Variants in KIF20B observed in about 807,000 individuals in gnomAD.
KIF20B encodes the protein kinesin-like protein KIF20B.
Under a neutral mutation model 232.5 loss-of-function variants are expected in KIF20B, and 188 were observed. That is an observed-to-expected ratio of 0.81 (90% CI 0.72 to 0.91). The LOEUF is 0.91. Ranked by LOEUF, KIF20B falls within the 40% of genes least tolerant of loss-of-function variation. The pLI, the probability that KIF20B is intolerant of heterozygous loss-of-function variation, is 0.00. For missense variants in KIF20B, 2,154 were observed against 2,055.9 expected (o/e 1.05, Z -0.92); for synonymous variants, 712 against 683.0 (o/e 1.04, Z -0.66).
intron 29 of KIF20B, among the ~76,000 whole-genome samples, chr10:89,764,109 A>C (rs1842302816): frequency 7.9e-6 from 1 of 127,342 alleles, no homozygotes; most frequent in Non-Finnish European, 1.6e-5. Context: ...ATGTGTTCCC[A>C]TTGTTCAATT....
At chr10:89,740,647 G>A (rs931323080) in intron 21 of KIF20B, among the ~76,000 whole-genome samples, 10 of 152,036 alleles carry the variant, frequency 6.6e-5, no homozygotes, top group African/African-American at 2.4e-4. Flanking sequence ...TTAAAAGGGG[G>A]CTCTTTTTTC....
intron 27 of KIF20B, among the ~76,000 whole-genome samples, chr10:89,759,633 G>A (rs1242675880): frequency 1.3e-5 from 2 of 152,054 alleles, no homozygotes; most frequent in South Asian, 2.1e-4. Flanking sequence ...AACTGCTGTC[G>A]CTGTGGTTTT....
rs12267623 is a variant in KIF20B at position 89,768,385 on chromosome 10, A to G, written c.5085A>G (p.Glu1695=). ...ATAGAAATTCTTCTGTCAAAAAGGA[A>G]CAAAAGGTGTGTCTTTTAATTTGTC... The part of the protein sequence containing the change: ...SDDRNSSVKK[E]QKVAIRPSSK... Residue 1695 remains glutamate, a synonymous_variant, in exon 30 of 33, where the codon GAA becomes GAG. Coordinates refer to ENST00000371728, the MANE Select transcript of KIF20B (RefSeq NM_001284259.2). 3.1e-3 allele frequency: 4,769 copies of G among 1,550,004 alleles called. 141 individuals are homozygous for G. The African/African-American group carries it at 0.057, about 18-fold the overall frequency.
At chr10:89,763,294 A>G (rs1399746200) in intron 29 of KIF20B, among the ~76,000 whole-genome samples, 1 of 152,122 alleles carries the variant, frequency 6.6e-6, no homozygotes, top group Non-Finnish European at 1.5e-5. Flanking sequence ...AATAAAGAAT[A>G]TTACTGTGGT....
chr10:89,726,269 G>T, intron 15 of KIF20B, 24 bp from the exon 16 acceptor site: 2 of 1,536,332 alleles, frequency 1.3e-6, no homozygotes, highest in Middle Eastern at 1.9e-4. Context: ...TTAATATTAG[G>T]CATGTGGTTT....
intron 31 of KIF20B, among the ~76,000 whole-genome samples, chr10:89,772,342 T>C (rs1002129097): frequency 1.3e-5 from 2 of 152,094 alleles, no homozygotes; most frequent in Non-Finnish European, 1.5e-5. Context: ...TTTTTAATGC[T>C]GCATGATCCA....
intron 13 of KIF20B, among the ~76,000 whole-genome samples, chr10:89,722,991 A>G (rs1385667898): frequency 6.6e-6 from 1 of 152,200 alleles, no homozygotes; most frequent in Non-Finnish European, 1.5e-5. Context: ...TAGTACCATA[A>G]TTAAACCAAT....
Position 89,754,566 on chromosome 10 carries a change from A to T in KIF20B, c.4396A>T (p.Lys1466Ter). The change falls in exon 26 of 33, where the codon AAA (lysine) becomes TAA (stop). Residue 1466 changes from lysine to a stop codon, truncating the protein, a stop_gained. Coordinates refer to ENST00000371728, the MANE Select transcript of KIF20B (RefSeq NM_001284259.2). LOFTEE classifies it high-confidence loss of function. ...TGATAGAAAGAAATGGTTAGAAGAA[A>T]AAATGATGCTTATCACTCAAGCGAA... ...NADRKKWLEE[K>*]MMLITQAKEA... 6.2e-7 allele frequency: 1 copy of T among 1,605,228 alleles called. No homozygotes were observed. Among genetic ancestry groups the T allele is most frequent in the Non-Finnish European group, 8.5e-7 (1 of 1,175,050 alleles).
chr10:89,741,269 C>T (rs532895315), intron 21 of KIF20B, among the ~76,000 whole-genome samples: 3 of 152,184 alleles, frequency 2.0e-5, no homozygotes, highest in South Asian at 2.1e-4. Context: ...TGACAGTAGG[C>T]GGAGCTCAGG....
chr10:89,708,868 A>G (rs943450646), intron 2 of KIF20B, among the ~76,000 whole-genome samples: 1 of 152,120 alleles, frequency 6.6e-6, no homozygotes, highest in Admixed American at 6.5e-5. Context: ...CTAGAGTTAT[A>G]TTTTCCAATG....
Position 89,717,704 on chromosome 10 carries a change from A to T in KIF20B, c.1253A>T (p.Lys418Met). 6.3e-7 allele frequency: 1 copy of T among 1,596,508 alleles called. No individual in the cohort carries two copies. The highest frequency in any genetic ancestry group is 8.5e-7 in the Non-Finnish European group (1 of 1,171,944). The change falls in exon 11 of 33, where the codon AAG (lysine) becomes ATG (methionine). Residue 418 changes from lysine to methionine, a missense_variant. By Grantham distance (95) the Lys-to-Met change is moderately conservative (BLOSUM62 -1). Transcript: ENST00000371728. Reference sequence around the variant, plus strand: ...CTGGGAAAGTGTATTAACGTCTTGAAGAATAGTGAAAAGTCAAAGTAAGTG... The same window carrying T: ...CTGGGAAAGTGTATTAACGTCTTGATGAATAGTGAAAAGTCAAAGTAAGTG... ...LTLGKCINVL[K>M]NSEKSKFQQH...
In KIF20B at chr10:89,774,747, C is replaced by T. The variant is rs572219963; in HGVS notation, c.*699C>T. The T allele has an allele frequency of 2.6e-5, 4 of 152,056 alleles. No individual in the cohort carries two copies. Among genetic ancestry groups the T allele is most frequent in the Non-Finnish European group, 5.9e-5 (4 of 67,924 alleles). 9.4% of individuals were successfully genotyped at this position (152,056 alleles called of 1,614,324 possible). ...AGTAAGTTATTATTGATTATAGTCACTCTATTGTGCTATCAGATAGTAGAT... is the reference window on the plus strand; with the variant it reads ...AGTAAGTTATTATTGATTATAGTCATTCTATTGTGCTATCAGATAGTAGAT... On this transcript the variant is annotated 3_prime_UTR_variant, in exon 33 of 33. Transcript: ENST00000371728.
intron 4 of KIF20B, 147 bp from the exon 5 acceptor site, chr10:89,709,780 C>A: frequency 1.9e-6 from 1 of 524,060 alleles, no homozygotes; most frequent in Non-Finnish European, 3.0e-6. Flanking sequence ...GGTAGTAAAA[C>A]TATCAAATGT....
At chr10:89,761,952 G>A (rs1269530240) in intron 28 of KIF20B, among the ~76,000 whole-genome samples, 1 of 152,034 alleles carries the variant, frequency 6.6e-6, no homozygotes, top group Non-Finnish European at 1.5e-5. Context: ...TCATGTAATC[G>A]ATATACTTAA....
chr10:89,739,117 T>C (rs780451081), intron 21 of KIF20B, 21 bp downstream of exon 21: 4 of 1,608,284 alleles, frequency 2.5e-6, no homozygotes, highest in African/African-American at 1.3e-5. Context: ...TGAAAAGTTA[T>C]GTGGCCAGTT....
At chr10:89,728,616 C>T (rs1589861865) in intron 17 of KIF20B, among the ~76,000 whole-genome samples, 1 of 152,202 alleles carries the variant, frequency 6.6e-6, no homozygotes, top group East Asian at 1.9e-4. Flanking sequence ...AGTGATTCTC[C>T]TGCCTCAGCC....
At chr10:89,747,947 T>C (rs1245812432) in intron 23 of KIF20B, among the ~76,000 whole-genome samples, 1 of 152,224 alleles carries the variant, frequency 6.6e-6, no homozygotes, top group Non-Finnish European at 1.5e-5. Flanking sequence ...TCCTAGGTGC[T>C]GAATTATGAA....
Position 89,721,418 on chromosome 10 carries a change from T to G in KIF20B, c.1722+1712T>G, listed in dbSNP as rs114569657. Reference sequence around the variant, plus strand: ...CTGGTGCAGTGGCTCACACCTGTAATTCGAGCACTTTGGGAAGCTGAGGTA... The same window carrying G: ...CTGGTGCAGTGGCTCACACCTGTAAGTCGAGCACTTTGGGAAGCTGAGGTA... On this transcript the variant is annotated intron_variant, in intron 13 of 32. Coordinates refer to ENST00000371728, the MANE Select transcript of KIF20B (RefSeq NM_001284259.2). Among the ~76,000 whole-genome samples, 457 of 152,286 alleles carry G rather than the reference T, an allele frequency of 3.0e-3. 3 individuals are homozygous for G. Among genetic ancestry groups the G allele is most frequent in the African/African-American group, 0.01 (427 of 41,562 alleles).
chr10:89,750,395 G>T (rs1841998051), intron 23 of KIF20B, among the ~76,000 whole-genome samples: 1 of 152,050 alleles, frequency 6.6e-6, no homozygotes. Context: ...ATCCTAGGAG[G>T]AATTCTGTTT....
Sources: allele counts gnomAD v4.1 joint callset (sites outside exome capture counted in the v4.1 genomes callset), GRCh38; gene constraint gnomAD v4.1.1; transcripts MANE v1.5; gene names NCBI Gene and HGNC (gene_info 2026-07-23, HGNC 2026-07-21).